The following ARID3A variants were observed in gnomAD, a reference collection of about 807,000 sequenced individuals.
ARID3A encodes AT-rich interactive domain-containing protein 3A.
In ARID3A, 11 loss-of-function variants were observed where a neutral mutation model predicts 52.7. That is an observed-to-expected ratio of 0.21 (90% confidence interval 0.13 to 0.35). The LOEUF is 0.35. Ranked by LOEUF, ARID3A falls within the 10% of genes least tolerant of loss-of-function variation. The pLI is 1.00. For missense variants in ARID3A, 721 were observed against 838.5 expected (o/e 0.86, Z 1.73); for synonymous variants, 404 against 359.4 (o/e 1.12, Z -1.40).
intron 2 of ARID3A, among the ~76,000 whole-genome samples, chr19:932,168 G>C (rs1293567880): frequency 6.6e-6 from 1 of 152,152 alleles, no homozygotes; most frequent in African/African-American, 2.4e-5. Flanking sequence ...CTGCCTGCGT[G>C]ATGCTTTTCA....
At chr19:966,921 A>C (rs2038170265) in intron 7 of ARID3A, 53 bp downstream of exon 7, 1 of 1,528,006 alleles carries the variant, frequency 6.5e-7, no homozygotes, top group Non-Finnish European at 8.8e-7. Context: ...TCACACAGTG[A>C]GGGCCTTGGA....
chr19:963,097 G>GT (rs2038077409), intron 4 of ARID3A, among the ~76,000 whole-genome samples: 1 of 152,186 alleles, frequency 6.6e-6, no homozygotes, highest in Non-Finnish European at 1.5e-5. Flanking sequence ...GACACCGGGG[G>GT]TTCCGGGGGT....
intron 3 of ARID3A, among the ~76,000 whole-genome samples, chr19:952,317 C>G (rs2037816569): frequency 1.3e-5 from 2 of 151,676 alleles, no homozygotes; most frequent in South Asian, 2.1e-4. Context: ...TGGTGTGTGC[C>G]TGGGGTCCCA....
Position 959,818 on chromosome 19 carries a change from G to A in ARID3A, c.694-274G>A, listed in dbSNP as rs2038002370. Among the ~76,000 whole-genome samples the A allele has an allele frequency of 6.6e-6, 1 of 152,158 alleles. No individual in the cohort carries two copies. Among genetic ancestry groups the A allele is most frequent in the Non-Finnish European group, 1.5e-5 (1 of 68,022 alleles). ...CTTGATCTGGGGTTCCCGGGCCCCT[G>A]GACCGGGAGAGGACACTGTCTTGTC... On this transcript the variant is annotated intron_variant, in intron 3 of 8. Coordinates refer to ENST00000263620, the MANE Select transcript of ARID3A (RefSeq NM_005224.3). The surrounding 1 kb of genome is among the most constrained non-coding windows in gnomAD (Gnocchi z 5.0).
rs56404084 is a variant in ARID3A, at chr19:973,104, A to ATTTTTTTTTTT, written c.*1050_*1060dup. ...GGGCTCTCGAGTCAGGGGCCTGGAAATTTTTTTTTTTTTTTTTTTTTGAGA... is the reference window on the plus strand; with the variant it reads ...GGGCTCTCGAGTCAGGGGCCTGGAAATTTTTTTTTTTTTTTTTTTTTTTTTTTTTTTTGAGA... On this transcript the variant is annotated 3_prime_UTR_variant, in exon 9 of 9. Transcript: ENST00000263620. 448 of 53,390 alleles carry ATTTTTTTTTTT rather than the reference A, an allele frequency of 8.4e-3. 63 individuals are homozygous for ATTTTTTTTTTT. Among genetic ancestry groups the ATTTTTTTTTTT allele is most frequent in the East Asian group, 0.013 (26 of 2,038 alleles). 3.3% of individuals were successfully genotyped at this position (53,390 alleles called of 1,614,324 possible). A position where few individuals can be genotyped will look rare whatever the true frequency, so the allele number is the denominator to read the frequency against.
At position 975,139 on chromosome 19, in the gene ARID3A, T is replaced by TA. The variant is rs11405140; in HGVS notation, c.*3075dup. 0.042 allele frequency: 9,604 copies of TA among 231,000 alleles called. 620 individuals are homozygous for TA. The highest frequency in any genetic ancestry group is 0.22 in the East Asian group (3,612 of 16,336). The allele number at this position is 231,000 out of a possible 1,614,324, so 14.3% of individuals were successfully genotyped here. On this transcript the variant is annotated 3_prime_UTR_variant, in exon 9 of 9. Transcript: ENST00000263620. ...TGGGGTGCAGCTCAGCACCCCCCCTTATGCAGACTGGGAGGGGGTCGGGCA... is the reference window on the plus strand; with the variant it reads ...TGGGGTGCAGCTCAGCACCCCCCCTTAATGCAGACTGGGAGGGGGTCGGGCA...
At position 971,927 on chromosome 19, in the gene ARID3A, C is replaced by T; in HGVS notation, c.1644C>T (p.Asn548=). ...PPAPTPTSAP[N]KGGGGGGGSS... is the part of the protein sequence containing the mutation. ...CCCCCACGCCAACCTCTGCTCCCAACAAAGGAGGCGGCGGCGGCGGCGGCA... is the reference window on the plus strand; with the variant it reads ...CCCCCACGCCAACCTCTGCTCCCAATAAAGGAGGCGGCGGCGGCGGCGGCA... Residue 548 remains asparagine, a synonymous_variant, in exon 9 of 9, where the codon AAC becomes AAT. Transcript: ENST00000263620. 1 of 1,604,046 alleles carries T rather than the reference C, an allele frequency of 6.2e-7. No individual in the cohort carries two copies. Among genetic ancestry groups the T allele is most frequent in the Middle Eastern group, 1.7e-4 (1 of 6,030 alleles).
chr19:966,171 A>AAC (rs2038147028), intron 6 of ARID3A, among the ~76,000 whole-genome samples: 1 of 149,976 alleles, frequency 6.7e-6, no homozygotes, highest in Non-Finnish European at 1.5e-5. Context: ...AAAGCAAAAA[A>AAC]AAAAAAGGCT....
In ARID3A at chr19:975,564, G is replaced by A. The variant is rs1313144160; in HGVS notation, c.*3499G>A. 3 of 202,426 alleles carry A rather than the reference G, an allele frequency of 1.5e-5. No individual in the cohort carries two copies. The highest frequency in any genetic ancestry group is 6.0e-5 in the Admixed American group (1 of 16,668). The allele number at this position is 202,426 out of a possible 1,614,324, so 12.5% of individuals were successfully genotyped here. On this transcript the variant is annotated 3_prime_UTR_variant, in exon 9 of 9. Transcript: ENST00000263620. ...CTCTGGAGTTTGTCAGACGGCGTGG[G>A]AACCACGCCTGAAACTCAGGTAATA...
intron 8 of ARID3A, 188 bp downstream of exon 8, chr19:968,691 C>T (rs117438574): frequency 0.013 from 7,325 of 574,254 alleles, 64 homozygotes; most frequent in South Asian, 0.018. Flanking sequence ...CCCGGTACCA[C>T]GCTCAGCCCA....
chr19:932,724 C>A lies in ARID3A; in HGVS notation c.675C>A (p.Tyr225Ter). ...CGCCTGACCACGGCGACTGGACTTA[C>A]GAGGAGCAGTTTAAGCAGGTGAGTG... ...LQPPDHGDWT[Y>*]EEQFKQLYEL... Residue 225 changes from tyrosine (Y) to a stop codon, truncating the protein, a stop_gained, in exon 3 of 9, where the codon TAC (tyrosine) becomes TAA (stop). Coordinates refer to ENST00000263620, the MANE Select transcript of ARID3A (RefSeq NM_005224.3). LOFTEE classifies it high-confidence loss of function. 1 of 1,547,362 alleles carries A rather than the reference C, an allele frequency of 6.5e-7. No individual in the cohort carries two copies. Among genetic ancestry groups the A allele is most frequent in the Non-Finnish European group, 8.7e-7 (1 of 1,146,426 alleles).
rs34643064 is a variant in ARID3A, at chr19:941,779, C to CTGTGTGTG, written c.693+9059_693+9066dup. ...TCTCTTGTGTTTTGTGTGGATGTGGCTGTGTGTGTGTGTGTGTGTGTGTGT... is the reference window on the plus strand; with the variant it reads ...TCTCTTGTGTTTTGTGTGGATGTGGCTGTGTGTGTGTGTGTGTGTGTGTGTGTGTGTGT... On this transcript the variant is annotated intron_variant, in intron 3 of 8. Transcript: ENST00000263620. This position sits in a 1 kb window ranked among gnomAD's most constrained non-coding sequence, Gnocchi z 6.9. Among the ~76,000 whole-genome samples the CTGTGTGTG allele has an allele frequency of 0.08, 11,711 of 146,114 alleles. 562 individuals are homozygous for CTGTGTGTG. The highest frequency in any genetic ancestry group is 0.19 in the East Asian group (951 of 4,886).
intron 3 of ARID3A, among the ~76,000 whole-genome samples, chr19:937,502 C>T (rs1385600164): frequency 6.6e-6 from 1 of 152,038 alleles, no homozygotes; most frequent in Non-Finnish European, 1.5e-5. Flanking sequence ...TAGTGCTGTA[C>T]ACGTTTTTAT....
intron 3 of ARID3A, among the ~76,000 whole-genome samples, chr19:933,191 G>T (rs1011797101): frequency 9.8e-5 from 15 of 152,286 alleles, no homozygotes; most frequent in African/African-American, 3.1e-4. Context: ...GTTGCGGGCT[G>T]CAGCTGGCAG....
chr19:950,653 G>T (rs1294716517), intron 3 of ARID3A, among the ~76,000 whole-genome samples: 1 of 152,190 alleles, frequency 6.6e-6, no homozygotes, highest in Non-Finnish European at 1.5e-5. Context: ...GAGAGACCTG[G>T]TTTGATCTTG....
chr19:963,665 C>T (rs1243396309), intron 4 of ARID3A, among the ~76,000 whole-genome samples: 1 of 152,176 alleles, frequency 6.6e-6, no homozygotes, highest in South Asian at 2.1e-4. Flanking sequence ...TAGGCTAATC[C>T]TCCCCCTTTC....
Position 964,943 on chromosome 19 carries a change from T to C in ARID3A, c.1061T>C (p.Phe354Ser). 1 of 1,613,902 alleles carries C rather than the reference T, an allele frequency of 6.2e-7. No individual in the cohort carries two copies. The highest frequency in any genetic ancestry group is 8.5e-7 in the Non-Finnish European group (1 of 1,180,006). The change falls in exon 6 of 9, where the codon TTT becomes TCT. Residue 354 changes from phenylalanine (F) to serine (S), a missense_variant. This residue lies in a region of ARID3A where 297 missense variants were observed against 343.2 expected (regional missense o/e 0.87). Coordinates refer to ENST00000263620, the MANE Select transcript of ARID3A (RefSeq NM_005224.3). This position sits in a 1 kb window ranked among gnomAD's most constrained non-coding sequence, Gnocchi z 5.7. ...CGACGGGAGGGCCGGCGCCAGAGCT[T>C]TGGTGGCTCCCTCTTTGCCTACTCG... ...SNRREGRRQS[F>S]GGSLFAYSPG...
intron 2 of ARID3A, 147 bp from the exon 3 acceptor site, chr19:932,271 T>C: frequency 7.0e-7 from 1 of 1,436,082 alleles, no homozygotes; most frequent in Middle Eastern, 2.5e-4. Flanking sequence ...GCTGTGCTCA[T>C]GAGCGCTCTC....
chr19:930,635 G>T (rs192767689), intron 2 of ARID3A, among the ~76,000 whole-genome samples: 2 of 148,078 alleles, frequency 1.4e-5, no homozygotes, highest in Non-Finnish European at 3.0e-5. Flanking sequence ...TCAGCCTCCC[G>T]AGTAGTTGGG....
Sources: allele counts gnomAD v4.1 joint callset (sites outside exome capture counted in the v4.1 genomes callset), GRCh38; gene constraint gnomAD v4.1.1; regional missense constraint gnomAD v4.1.1; non-coding constraint Gnocchi (gnomAD v3.1); transcripts MANE v1.5; gene names NCBI Gene and HGNC (gene_info 2026-07-23, HGNC 2026-07-21).